MED26: variants seen among roughly 807,000 people sequenced by gnomAD.
The protein encoded by MED26 is mediator complex subunit 26.
Under a neutral mutation model 43.7 loss-of-function variants are expected in MED26, and 7 were observed. That is an observed-to-expected ratio of 0.16 (90% CI 0.09 to 0.30). The LOEUF (loss-of-function observed/expected upper bound fraction) is 0.30, where lower values mean the gene tolerates loss of function less well. Among genes scored for constraint, MED26 ranks in the 10% least tolerant of loss-of-function variants. MED26 has a pLI of 1.00. For synonymous variants in MED26, 375 were observed against 371.1 expected, an observed-to-expected ratio of 1.01 and a Z score of -0.12; for missense variants, 784 against 840.6, an observed-to-expected ratio of 0.93 and a Z score of 0.83.
At position 16,576,228 on chromosome 19, in the gene MED26, T is replaced by C. The variant is rs776453499; in HGVS notation, c.1602A>G (p.Gln534=). The part of the protein sequence containing the change: ...GARQLHVLVP[Q]SPPTDLPGLT... ...GACCAGGGAGGTCCGTGGGCGGGCT[T>C]TGAGGCACCAGCACATGCAGCTGCC... Residue 534 remains glutamine (Q), a synonymous_variant, in exon 3 of 3, where the codon CAA becomes CAG. Coordinates refer to ENST00000263390, the MANE Select transcript of MED26 (RefSeq NM_004831.5). The surrounding 1 kb of genome is among the most constrained non-coding windows in gnomAD (Gnocchi z 6.8). 85 of 1,611,338 alleles carry C rather than the reference T, an allele frequency of 5.3e-5. No homozygotes were observed. Among genetic ancestry groups the C allele is most frequent in the Middle Eastern group, 1.6e-4 (1 of 6,084 alleles).
chr19:16,579,624 C>T lies in MED26; in HGVS notation c.73-1215G>A, dbSNP rs150609993. Reference sequence around the variant, plus strand: ...ACTCAACCACCACCTCCAGCAACTACAGGTTTCTGGTGGGCTGGCTAGCGG... The same window carrying T: ...ACTCAACCACCACCTCCAGCAACTATAGGTTTCTGGTGGGCTGGCTAGCGG... On this transcript the variant is annotated intron_variant, in intron 1 of 2. Transcript: ENST00000263390. Among the ~76,000 whole-genome samples the T allele has an allele frequency of 5.1e-4, 77 of 152,326 alleles. 1 individual carries two copies. The highest frequency in any genetic ancestry group is 1.8e-3 in the African/African-American group (74 of 41,574).
chr19:16,588,103 T>C (rs1321487405), intron 1 of MED26: 1 of 152,282 alleles, frequency 6.6e-6, no homozygotes, highest in African/African-American at 2.4e-5. Context: ...ATTTGGCCCT[T>C]TGTGAAGGCA....
chr19:16,576,279 C>T lies in MED26; in HGVS notation c.1551G>A (p.Gln517=). 3 of 1,611,906 alleles carry T rather than the reference C, an allele frequency of 1.9e-6. No homozygotes were observed. Among genetic ancestry groups the T allele is most frequent in the Non-Finnish European group, 2.5e-6 (3 of 1,180,014 alleles). The change falls in exon 3 of 3, where the codon CAG becomes CAA. Residue 517 remains glutamine (Q), a synonymous_variant. Coordinates refer to ENST00000263390, the MANE Select transcript of MED26 (RefSeq NM_004831.5). This position sits in a 1 kb window ranked among gnomAD's most constrained non-coding sequence, Gnocchi z 6.8. ...TGGCCCCTTGCCGGGTGCTCTCCTC[C>T]TGCTTCAGGTACTCAGACATGAAGT... is the stretch of plus-strand genomic sequence containing the variant. ...AHHFMSEYLK[Q]EESTRQGARQ... is the part of the protein sequence containing the mutation.
rs533079351 is a variant in MED26, at chr19:16,576,877, A to G, written c.953T>C (p.Leu318Pro). ...DATQVPSPLP[L>P]AQPSTPPVRR... ...TACGGGGGGTGTGGACGGCTGTGCCAGTGGAAGCGGTGACGGCACCTGTGT... is the reference window on the plus strand; with the variant it reads ...TACGGGGGGTGTGGACGGCTGTGCCGGTGGAAGCGGTGACGGCACCTGTGT... The change falls in exon 3 of 3, where the codon CTG becomes CCG. Residue 318 changes from leucine (L) to proline (P), a missense_variant. Around this residue, in one of 3 missense-constraint regions of MED26, gnomAD observed 719 missense variants for 730.9 expected, o/e 0.98. Coordinates refer to ENST00000263390, the MANE Select transcript of MED26 (RefSeq NM_004831.5). The surrounding 1 kb of genome is among the most constrained non-coding windows in gnomAD (Gnocchi z 6.8). 2 of 1,609,238 alleles carry G rather than the reference A, an allele frequency of 1.2e-6. No individual in the cohort carries two copies. The highest frequency in any genetic ancestry group is 1.3e-5 in the African/African-American group (1 of 74,872).
At chr19:16,593,041 A>G (rs1344455571) in intron 1 of MED26, among the ~76,000 whole-genome samples, 1 of 152,212 alleles carries the variant, frequency 6.6e-6, no homozygotes, top group Non-Finnish European at 1.5e-5. Context: ...CAAGCAGGCA[A>G]CTGATGCCCA....
chr19:16,589,658 G>T (rs1034408487), intron 1 of MED26, among the ~76,000 whole-genome samples: 23 of 152,332 alleles, frequency 1.5e-4, no homozygotes, highest in Admixed American at 1.5e-3. Flanking sequence ...GAAAGGCTCT[G>T]TTCCTTAACC....
chr19:16,616,431 A>G (rs1443597085), intron 1 of MED26, among the ~76,000 whole-genome samples: 1 of 152,198 alleles, frequency 6.6e-6, no homozygotes, highest in African/African-American at 2.4e-5. Context: ...CGACACCACC[A>G]GAAAAGTCAA....
chr19:16,575,263 G>C lies in MED26; in HGVS notation c.*764C>G, dbSNP rs915531965. 5 of 152,636 alleles carry C rather than the reference G, an allele frequency of 3.3e-5. No homozygotes were observed. Among genetic ancestry groups the C allele is most frequent in the African/African-American group, 1.2e-4 (5 of 41,426 alleles). 9.5% of individuals were successfully genotyped at this position (152,636 alleles called of 1,614,324 possible). A position where few individuals can be genotyped will look rare whatever the true frequency, so the allele number is the denominator to read the frequency against. On this transcript the variant is annotated 3_prime_UTR_variant, in exon 3 of 3. Coordinates refer to ENST00000263390, the MANE Select transcript of MED26 (RefSeq NM_004831.5). Reference sequence around the variant, plus strand: ...GTGTACAGGAAGGGAAAAAAGAAAAGGGAGGAAGAAAGGAAAGGTTTTTTT... The same window carrying C: ...GTGTACAGGAAGGGAAAAAAGAAAACGGAGGAAGAAAGGAAAGGTTTTTTT...
In MED26 at chr19:16,576,842, C is replaced by T. The variant is rs771284500; in HGVS notation, c.988G>A (p.Glu330Lys). ...QPSTPPVRRL[E>K]LLPSAESPVC... ...GGGCTTTCCGCACTGGGCAGCAGCT[C>T]GAGCCGCCGTACGGGGGGTGTGGAC... Residue 330 changes from glutamate to lysine, a missense_variant, in exon 3 of 3, where the codon GAG becomes AAG. Physicochemically the swap from Glu to Lys is moderately conservative, Grantham distance 56. This residue lies in a region of MED26 where 719 missense variants were observed against 730.9 expected (regional missense o/e 0.98). Transcript: ENST00000263390. This position sits in a 1 kb window ranked among gnomAD's most constrained non-coding sequence, Gnocchi z 6.8. The T allele has an allele frequency of 5.0e-6, 8 of 1,609,834 alleles. No individual in the cohort carries two copies. The highest frequency in any genetic ancestry group is 4.4e-5 in the South Asian group (4 of 90,832).
In MED26 at chr19:16,627,861, C is replaced by A. The variant is rs749376507; in HGVS notation, c.72+11G>T. The A allele has an allele frequency of 2.4e-5, 35 of 1,482,110 alleles. No individual in the cohort carries two copies. Among genetic ancestry groups the A allele is most frequent in the Non-Finnish European group, 3.2e-5 (35 of 1,110,020 alleles). The allele number at this position is 1,482,110 out of a possible 1,614,324, so 91.8% of individuals were successfully genotyped here. ...GCGGCCTCCGTCCCAGCTCGCGCGG[C>A]GGGTACTTACGTTGCTCTGGGGGTC... is the stretch of plus-strand genomic sequence containing the variant. On this transcript the variant is annotated intron_variant, in intron 1 of 2. Transcript: ENST00000263390.
intron 1 of MED26, among the ~76,000 whole-genome samples, chr19:16,580,437 C>G (rs980820554): frequency 6.6e-6 from 1 of 151,746 alleles, no homozygotes; most frequent in South Asian, 2.1e-4. Context: ...GGCACGATCT[C>G]GGCTCACTGC....
intron 1 of MED26, among the ~76,000 whole-genome samples, chr19:16,581,245 C>T (rs2086044104): frequency 6.6e-6 from 1 of 152,214 alleles, no homozygotes; most frequent in African/African-American, 2.4e-5. Context: ...CCCTGAAAAC[C>T]CTGCTTCAAG....
chr19:16,592,626 G>A (rs16981320), intron 1 of MED26, among the ~76,000 whole-genome samples: 5,604 of 152,246 alleles, frequency 0.037, 241 homozygotes, highest in Admixed American at 0.088. Context: ...CCTGTCACCA[G>A]CTTCATAACC....
intron 1 of MED26, among the ~76,000 whole-genome samples, chr19:16,617,924 C>T (rs1326401506): frequency 6.6e-6 from 1 of 152,182 alleles, no homozygotes; most frequent in Non-Finnish European, 1.5e-5. Flanking sequence ...TCCGTCACGG[C>T]CAGGCAAAAG....
rs2085987668 is a variant in MED26, at chr19:16,575,385, C to T, written c.*642G>A. The T allele has an allele frequency of 6.6e-6, 1 of 152,558 alleles. No individual in the cohort carries two copies. Among genetic ancestry groups the T allele is most frequent in the South Asian group, 2.1e-4 (1 of 4,830 alleles). The allele number at this position is 152,558 out of a possible 1,614,324, so 9.5% of individuals were successfully genotyped here. A position where few individuals can be genotyped will look rare whatever the true frequency, so the allele number is the denominator to read the frequency against. On this transcript the variant is annotated 3_prime_UTR_variant, in exon 3 of 3. Coordinates refer to ENST00000263390, the MANE Select transcript of MED26 (RefSeq NM_004831.5). ...TTAAAAACTGGGTTATAACTGAAACCAGATATAAACAGGTGGCTGCCCATG... is the reference window on the plus strand; with the variant it reads ...TTAAAAACTGGGTTATAACTGAAACTAGATATAAACAGGTGGCTGCCCATG...
Position 16,577,525 on chromosome 19 carries a change from C to A in MED26, c.305G>T (p.Gly102Val). The change falls in exon 3 of 3, where the codon GGC becomes GTC. Residue 102 changes from glycine to valine, a missense_variant. Gly to Val is a moderately radical substitution (Grantham distance 109, BLOSUM62 -3). This residue lies in a region of MED26 where 719 missense variants were observed against 730.9 expected (regional missense o/e 0.98). Coordinates refer to ENST00000263390, the MANE Select transcript of MED26 (RefSeq NM_004831.5). The surrounding 1 kb of genome is among the most constrained non-coding windows in gnomAD (Gnocchi z 8.1). ...GTTGTGTGCGCCCCCGTTGGCAGAG[C>A]CGGTGGCCCCCGCCAGCCCCCGCAG... is the stretch of plus-strand genomic sequence containing the variant. ...AALRGLAGAT[G>V]SANGGAHNCR... 6.2e-7 allele frequency: 1 copy of A among 1,603,786 alleles called. No individual in the cohort carries two copies. Among genetic ancestry groups the A allele is most frequent in the African/African-American group, 1.3e-5 (1 of 74,794 alleles).
At chr19:16,578,445 C>T (rs761908589) in intron 1 of MED26, 36 bp from the exon 2 acceptor site, 1 of 1,597,682 alleles carries the variant, frequency 6.3e-7, no homozygotes, top group East Asian at 2.2e-5. Flanking sequence ...AGGTCCCTGT[C>T]CTTCTCCACT....
chr19:16,621,303 A>G (rs1350237369), intron 1 of MED26, among the ~76,000 whole-genome samples: 1 of 152,252 alleles, frequency 6.6e-6, no homozygotes, highest in Non-Finnish European at 1.5e-5. Context: ...AATTCAAAGA[A>G]GCAATGAGAC....
chr19:16,607,735 T>A (rs1216085628), intron 1 of MED26, among the ~76,000 whole-genome samples: 1 of 152,196 alleles, frequency 6.6e-6, no homozygotes, highest in Admixed American at 6.5e-5. Context: ...ATGAGATTTT[T>A]TTTTAAGCTC....
Sources: allele counts gnomAD v4.1 joint callset (sites outside exome capture counted in the v4.1 genomes callset), GRCh38; gene constraint gnomAD v4.1.1; regional missense constraint gnomAD v4.1.1; non-coding constraint Gnocchi (gnomAD v3.1); transcripts MANE v1.5; gene names NCBI Gene and HGNC (gene_info 2026-07-23, HGNC 2026-07-21).